FMNL3: variants seen among roughly 807,000 people sequenced by gnomAD.
FMNL3 encodes the protein formin like 3.
Under a neutral mutation model 119.6 loss-of-function variants are expected in FMNL3, and 57 were observed. The ratio of observed to expected loss-of-function variants is 0.48; its 90% CI spans 0.39 to 0.59. The LOEUF is 0.59. FMNL3 is among the 20% of genes least tolerant of loss of function. The probability of loss-of-function intolerance (pLI) is 0.00; values close to 1 mark genes in which losing one functional copy is unlikely to be tolerated. For missense variants in FMNL3, 1,053 were observed against 1,323.5 expected, an observed-to-expected ratio of 0.80 and a Z score of 3.17; for synonymous variants, 491 against 507.3, an observed-to-expected ratio of 0.97 and a Z score of 0.43.
chr12:49,649,131 T>G lies in FMNL3; in HGVS notation c.2413A>C (p.Lys805Gln), dbSNP rs764676225. 1 of 1,613,696 alleles carries G rather than the reference T, an allele frequency of 6.2e-7. No homozygotes were observed. The highest frequency in any genetic ancestry group is 2.2e-5 in the East Asian group (1 of 44,884). ...GCGATGAAATGAAGCAGTGTCATCTTCCGGTCAGTGGACTTGGTATCCAGC... is the reference window on the plus strand; with the variant it reads ...GCGATGAAATGAAGCAGTGTCATCTGCCGGTCAGTGGACTTGGTATCCAGC... Reference protein sequence around the residue: ...LLLDTKSTDRKMTLLHFIALT... With the variant: ...LLLDTKSTDRQMTLLHFIALT... The change falls in exon 21 of 26, where the codon AAG (lysine) becomes CAG (glutamine). Residue 805 changes from lysine to glutamine, a missense_variant. Coordinates refer to ENST00000335154, the MANE Select transcript of FMNL3 (RefSeq NM_175736.5). The surrounding 1 kb of genome is among the most constrained non-coding windows in gnomAD (Gnocchi z 5.6).
chr12:49,656,203 C>T (rs1428898815), intron 9 of FMNL3, among the ~76,000 whole-genome samples: 1 of 152,054 alleles, frequency 6.6e-6, no homozygotes, highest in Non-Finnish European at 1.5e-5. Context: ...GCTGGCCAAT[C>T]AGGAGGTTTC....
At position 49,642,499 on chromosome 12, in the gene FMNL3, A is replaced by T; in HGVS notation, c.*3316T>A. 6.3e-7 allele frequency: 1 copy of T among 1,582,134 alleles called. No homozygotes were observed. Among genetic ancestry groups the T allele is most frequent in the Admixed American group, 1.7e-5 (1 of 59,238 alleles). ...CCAGTTCCCTTCCTTTCTCTGCCCC[A>T]GCCCTGCCCTGTGCTCATGGCGGTG... On this transcript the variant is annotated 3_prime_UTR_variant, in exon 26 of 26. Transcript: ENST00000335154. The surrounding 1 kb of genome is among the most constrained non-coding windows in gnomAD (Gnocchi z 5.8).
intron 14 of FMNL3, 109 bp from the exon 15 acceptor site, chr12:49,651,559 T>A: frequency 2.4e-6 from 2 of 836,088 alleles, no homozygotes; most frequent in Non-Finnish European, 3.4e-6. Flanking sequence ...AAAAAAAAAC[T>A]CTCAGAGAAG....
chr12:49,643,623 GGCTAGAACAAAGAAAAAGA>G lies in FMNL3; in HGVS notation c.*2173_*2191del. The G allele has an allele frequency of 6.5e-7, 1 of 1,532,962 alleles. No individual in the cohort carries two copies. Among genetic ancestry groups the G allele is most frequent in the Non-Finnish European group, 8.9e-7 (1 of 1,124,104 alleles). The allele number at this position is 1,532,962 out of a possible 1,614,324, so 95.0% of individuals were successfully genotyped here. ...CCTGCCTGTGAAGAATGAACAGAGG[GGCTAGAACAAAGAAAAAGA>G]GCCTGTCTTTCTCCTGTTGGGACTT... On this transcript the variant is annotated 3_prime_UTR_variant, in exon 26 of 26. Transcript: ENST00000335154.
At position 49,647,772 on chromosome 12, in the gene FMNL3, G is replaced by A. The variant is rs148320034; in HGVS notation, c.2709C>T (p.Gly903=). Residue 903 remains glycine, a synonymous_variant, in exon 23 of 26, where the codon GGC becomes GGT. Coordinates refer to ENST00000335154, the MANE Select transcript of FMNL3 (RefSeq NM_175736.5). The surrounding 1 kb of genome is among the most constrained non-coding windows in gnomAD (Gnocchi z 4.9). ...AAGGAGGTGTAGTCTTGGGACTCTC[G>A]CCAAAGTAGCGCACAACTGCATTGT... ...EAYNAVVRYF[G]ESPKTTPPSV... is the part of the protein sequence containing the mutation. 2.9e-4 allele frequency: 465 copies of A among 1,613,848 alleles called. 2 individuals are homozygous for A. In the African/African-American group the frequency reaches 4.5e-3, roughly 16 times the overall value.
intron 2 of FMNL3, among the ~76,000 whole-genome samples, chr12:49,667,044 A>T (rs1352673649): frequency 1.3e-5 from 2 of 152,158 alleles, no homozygotes; most frequent in African/African-American, 2.4e-5. Context: ...GGCTGCATTC[A>T]GCAAGGTCAT....
intron 5 of FMNL3, 104 bp downstream of exon 5, chr12:49,661,862 A>G (rs1259924153): frequency 8.8e-7 from 1 of 1,134,584 alleles, no homozygotes; most frequent in Non-Finnish European, 1.3e-6. Flanking sequence ...CAGGATTCCC[A>G]TTTCCATCTT....
intron 1 of FMNL3, among the ~76,000 whole-genome samples, chr12:49,704,541 T>C (rs1419394632): frequency 6.6e-6 from 1 of 151,424 alleles, no homozygotes; most frequent in African/African-American, 2.4e-5. Flanking sequence ...CGAAACCCCA[T>C]CTCTACTAAA....
chr12:49,674,956 A>G (rs889314320), intron 1 of FMNL3, among the ~76,000 whole-genome samples: 6 of 152,222 alleles, frequency 3.9e-5, no homozygotes, highest in Non-Finnish European at 7.3e-5. Flanking sequence ...TCATTCAAAC[A>G]AAGAGATGGC....
In FMNL3 at chr12:49,653,854, GCTCT is replaced by G; in HGVS notation, c.1088_1091del (p.Glu363AlafsTer30). ...CCTGAATCTGCACCTGCAGCTTCTC[GCTCT>G]CTGTGTGCCTTGACTTCTGGGGGAA... On this transcript the variant is annotated frameshift_variant, in exon 12 of 26. Transcript: ENST00000335154. LOFTEE classifies it high-confidence loss of function. 6.2e-7 allele frequency: 1 copy of G among 1,614,142 alleles called. No homozygotes were observed. The highest frequency in any genetic ancestry group is 8.5e-7 in the Non-Finnish European group (1 of 1,180,030).
chr12:49,679,935 T>C (rs535220190), intron 1 of FMNL3, among the ~76,000 whole-genome samples: 43 of 152,344 alleles, frequency 2.8e-4, no homozygotes, highest in Non-Finnish European at 5.1e-4. Flanking sequence ...ACATCTACTC[T>C]GGGCCAGGAT....
In FMNL3 at chr12:49,699,770, G is replaced by C. The variant is rs1944851529; in HGVS notation, c.126+7285C>G. Among the ~76,000 whole-genome samples the C allele has an allele frequency of 2.0e-5, 3 of 152,130 alleles. No homozygotes were observed. In the South Asian group the frequency reaches 6.2e-4, roughly 32 times the overall value. ...CAGAGAGCAAAGAACGCAAATAAAA[G>C]ATGGCCAAAACACTTAAAATGAAAT... On this transcript the variant is annotated intron_variant, in intron 1 of 25. Coordinates refer to ENST00000335154, the MANE Select transcript of FMNL3 (RefSeq NM_175736.5).
At position 49,656,902 on chromosome 12, in the gene FMNL3, G is replaced by T; in HGVS notation, c.715-3C>A. The stretch of plus-strand genomic sequence containing the variant: ...GACATGACCAGGTTGAATCCGTACT[G>T]CAAGGGAAAGGACAGAAGGAGGGGA... On this transcript the variant is annotated splice_polypyrimidine_tract_variant and splice_region_variant and intron_variant, in intron 7 of 25. Transcript: ENST00000335154. 2 of 1,613,542 alleles carry T rather than the reference G, an allele frequency of 1.2e-6. No individual in the cohort carries two copies. The highest frequency in any genetic ancestry group is 1.7e-6 in the Non-Finnish European group (2 of 1,179,482).
At chr12:49,657,307 T>C (rs1361859866) in intron 6 of FMNL3, 117 bp from the exon 7 acceptor site, 16 of 714,464 alleles carry the variant, frequency 2.2e-5, no homozygotes, top group Middle Eastern at 2.7e-4. Flanking sequence ...AAATAGGGAA[T>C]AGCACCTCGT....
chr12:49,677,875 A>G (rs539476531), intron 1 of FMNL3, among the ~76,000 whole-genome samples: 2 of 152,088 alleles, frequency 1.3e-5, no homozygotes, highest in Admixed American at 1.3e-4. Context: ...TATTATTATT[A>G]TTTTTGAGAT....
Position 49,639,963 on chromosome 12 carries a change from CCA to C in FMNL3, c.*5850_*5851del, listed in dbSNP as rs925462205. 6.6e-6 allele frequency: 1 copy of C among 152,218 alleles called. No homozygotes were observed. Among genetic ancestry groups the C allele is most frequent in the African/African-American group, 2.4e-5 (1 of 41,450 alleles). 9.4% of individuals were successfully genotyped at this position (152,218 alleles called of 1,614,324 possible). The stretch of plus-strand genomic sequence containing the variant: ...ATTTTATTGGACAATTAACTTTTAG[CCA>C]CAGAGTGGCTGGTTGATAGGCCTGT... On this transcript the variant is annotated 3_prime_UTR_variant, in exon 26 of 26. Coordinates refer to ENST00000335154, the MANE Select transcript of FMNL3 (RefSeq NM_175736.5).
chr12:49,636,879 C>T lies in FMNL3; in HGVS notation c.*8936G>A. On this transcript the variant is annotated 3_prime_UTR_variant, in exon 26 of 26. Transcript: ENST00000335154. The stretch of plus-strand genomic sequence containing the variant: ...CTTTGCTGTCCTTTCTAGATCAGAG[C>T]TCAGCTCTGCCCTAGAGCACAACCT... The T allele has an allele frequency of 6.2e-7, 1 of 1,612,518 alleles. No homozygotes were observed. The highest frequency in any genetic ancestry group is 8.5e-7 in the Non-Finnish European group (1 of 1,179,900).
chr12:49,672,294 G>T (rs530967725), intron 1 of FMNL3, among the ~76,000 whole-genome samples: 2 of 152,122 alleles, frequency 1.3e-5, no homozygotes, highest in African/African-American at 4.8e-5. Context: ...CTTGAGGGGT[G>T]GGGGACATGG....
At chr12:49,686,522 G>GAGC (rs1311069839) in intron 1 of FMNL3, among the ~76,000 whole-genome samples, 1 of 147,486 alleles carries the variant, frequency 6.8e-6, no homozygotes, top group Non-Finnish European at 1.5e-5. Context: ...AGCTTGCAGT[G>GAGC]AGCAGAGATT....
Sources: allele counts gnomAD v4.1 joint callset (sites outside exome capture counted in the v4.1 genomes callset), GRCh38; gene constraint gnomAD v4.1.1; non-coding constraint Gnocchi (gnomAD v3.1); transcripts MANE v1.5; gene names NCBI Gene and HGNC (gene_info 2026-07-23, HGNC 2026-07-21).